ZNF618: variants seen among roughly 807,000 people sequenced by gnomAD.
The protein encoded by ZNF618 is zinc finger protein 618.
Under a neutral mutation model 103.0 loss-of-function variants are expected in ZNF618, and 34 were observed. The ratio of observed to expected loss-of-function variants is 0.33; its 90% CI spans 0.25 to 0.44. ZNF618 has a LOEUF of 0.44. Among genes scored for constraint, ZNF618 ranks in the 20% least tolerant of loss-of-function variants. The pLI, the probability that ZNF618 is intolerant of heterozygous loss-of-function variation, is 1.00. For synonymous variants in ZNF618, 551 were observed against 542.2 expected (o/e 1.02, Z -0.23); for missense variants, 1,059 against 1,295.4 (o/e 0.82, Z 2.80).
chr9:113,910,648 G>C (rs1831449257), intron 1 of ZNF618, among the ~76,000 whole-genome samples: 2 of 152,030 alleles, frequency 1.3e-5, no homozygotes, highest in Non-Finnish European at 2.9e-5. Context: ...TTATCTACCA[G>C]GGACAATATC....
At chr9:113,878,902 T>G (rs1007543416) in intron 1 of ZNF618, among the ~76,000 whole-genome samples, 2 of 152,158 alleles carry the variant, frequency 1.3e-5, no homozygotes, top group Non-Finnish European at 2.9e-5. Flanking sequence ...ATGGCAGAGG[T>G]TTGACATTTC....
At chr9:113,900,922 C>G (rs34756964) in intron 1 of ZNF618, among the ~76,000 whole-genome samples, 2 of 63,882 alleles carry the variant, frequency 3.1e-5, no homozygotes, top group Non-Finnish European at 6.0e-5. Flanking sequence ...AACCCGACCT[C>G]CTGTCTCCTA....
chr9:114,034,314 C>T (rs574589688), intron 12 of ZNF618, among the ~76,000 whole-genome samples: 3 of 152,264 alleles, frequency 2.0e-5, no homozygotes, highest in East Asian at 1.9e-4. Context: ...GTAGTAGCGC[C>T]GGGCTGGAAC....
chr9:113,967,881 T>C (rs1335173642), intron 1 of ZNF618, among the ~76,000 whole-genome samples: 2 of 152,178 alleles, frequency 1.3e-5, no homozygotes, highest in Non-Finnish European at 2.9e-5. Context: ...GGACTAGGTA[T>C]CATGGGGTTA....
At chr9:113,935,932 T>C (rs975296719) in intron 1 of ZNF618, among the ~76,000 whole-genome samples, 2 of 152,096 alleles carry the variant, frequency 1.3e-5, no homozygotes, top group African/African-American at 4.8e-5. Flanking sequence ...GGAGCGTGGG[T>C]CATCTGAGAT....
chr9:114,012,796 G>A (rs980935937), intron 9 of ZNF618, among the ~76,000 whole-genome samples: 12 of 152,198 alleles, frequency 7.9e-5, no homozygotes, highest in East Asian at 1.9e-4. Flanking sequence ...ACAGGGAGCC[G>A]GTTTCAGATA....
intron 1 of ZNF618, among the ~76,000 whole-genome samples, chr9:113,923,734 G>A (rs1832844740): frequency 6.6e-6 from 1 of 152,072 alleles, no homozygotes; most frequent in Non-Finnish European, 1.5e-5. Flanking sequence ...ACATTGGTCT[G>A]TAGTTTTCCT....
At chr9:113,958,529 A>G (rs535114176) in intron 1 of ZNF618, among the ~76,000 whole-genome samples, 23 of 152,314 alleles carry the variant, frequency 1.5e-4, no homozygotes, top group African/African-American at 4.8e-4. Flanking sequence ...TCCAAGCACA[A>G]CTAGCTCATT....
chr9:113,928,638 G>GT (rs1423558552), intron 1 of ZNF618, among the ~76,000 whole-genome samples: 1 of 152,040 alleles, frequency 6.6e-6, no homozygotes, highest in African/African-American at 2.4e-5. Context: ...TCTTTTCTTT[G>GT]TTTTTTGTTT....
intron 13 of ZNF618, among the ~76,000 whole-genome samples, chr9:114,038,147 G>A (rs1311971473): frequency 4.6e-5 from 7 of 152,238 alleles, no homozygotes; most frequent in African/African-American, 1.7e-4. Context: ...ACCACTGCCT[G>A]AACATATCGC....
Position 114,049,298 on chromosome 9 carries a change from A to C in ZNF618, c.1996A>C (p.Asn666His). 6.2e-7 allele frequency: 1 copy of C among 1,612,142 alleles called. No individual in the cohort carries two copies. Among genetic ancestry groups the C allele is most frequent in the Admixed American group, 1.7e-5 (1 of 60,000 alleles). Residue 666 changes from asparagine (N) to histidine (H), a missense_variant, in exon 15 of 15, where the codon AAC (asparagine) becomes CAC (histidine). Transcript: ENST00000374126. ...CATGCACGAGGTCATCGAGCTGCTC[A>C]ACGTGTGCGAGGACCTGGCGGGCTC... ...RSMHEVIELL[N>H]VCEDLAGSTG...
chr9:114,046,592 A>T (rs1285295780), intron 13 of ZNF618, among the ~76,000 whole-genome samples: 1 of 152,232 alleles, frequency 6.6e-6, no homozygotes, highest in Non-Finnish European at 1.5e-5. Context: ...TGAGAGTGAG[A>T]GTGAACATTC....
chr9:113,932,571 G>A (rs1211490606), intron 1 of ZNF618, among the ~76,000 whole-genome samples: 1 of 152,142 alleles, frequency 6.6e-6, no homozygotes, highest in African/African-American at 2.4e-5. Flanking sequence ...CAGTAGAGAG[G>A]TGGTGGAGAG....
chr9:114,018,960 T>G (rs1338776159), intron 10 of ZNF618, among the ~76,000 whole-genome samples: 1 of 152,148 alleles, frequency 6.6e-6, no homozygotes, highest in Admixed American at 6.5e-5. Flanking sequence ...CCAATGGACT[T>G]CTTGTGGAGG....
chr9:113,899,579 G>C (rs1830337629), intron 1 of ZNF618, among the ~76,000 whole-genome samples: 1 of 152,204 alleles, frequency 6.6e-6, no homozygotes, highest in Non-Finnish European at 1.5e-5. Context: ...GGTGATCTGA[G>C]GTGGGACAGT....
At chr9:113,916,901 G>A (rs7047895) in intron 1 of ZNF618, among the ~76,000 whole-genome samples, 75,986 of 152,018 alleles carry the variant, frequency 0.5, 19,330 homozygotes, top group Non-Finnish European at 0.55. Context: ...GATTGTTCAA[G>A]TGAAATTTAA....
chr9:113,958,238 A>G (rs780577263), intron 1 of ZNF618, among the ~76,000 whole-genome samples: 2 of 152,166 alleles, frequency 1.3e-5, no homozygotes, highest in East Asian at 1.9e-4. Flanking sequence ...GACTCGGAGT[A>G]TCTGGGTTGG....
chr9:113,902,316 A>T (rs957908947), intron 1 of ZNF618, among the ~76,000 whole-genome samples: 2 of 152,238 alleles, frequency 1.3e-5, no homozygotes, highest in Admixed American at 6.5e-5. Flanking sequence ...CACTCAGCAC[A>T]TAGTAAGAAC....
At chr9:114,013,343 G>T (rs1842406171) in intron 9 of ZNF618, among the ~76,000 whole-genome samples, 2 of 152,208 alleles carry the variant, frequency 1.3e-5, no homozygotes, top group African/African-American at 4.8e-5. Context: ...AGATAAACTA[G>T]AAGTTAGTTT....
Sources: allele counts gnomAD v4.1 joint callset (sites outside exome capture counted in the v4.1 genomes callset), GRCh38; gene constraint gnomAD v4.1.1; transcripts MANE v1.5; gene names NCBI Gene and HGNC (gene_info 2026-07-23, HGNC 2026-07-21).